Variants in PTS observed in about 807,000 individuals in gnomAD.
The protein encoded by PTS is 6-pyruvoyl tetrahydrobiopterin synthase.
In PTS, 23 loss-of-function variants were observed where a neutral mutation model predicts 20.6. The observed-to-expected ratio is 1.12, with a 90% CI of 0.80 to 1.58. The LOEUF (loss-of-function observed/expected upper bound fraction) is 1.58. PTS is among the 40% of genes most tolerant of loss of function. The pLI, the probability that PTS is intolerant of heterozygous loss-of-function variation, is 0.00. For synonymous variants in PTS, 65 were observed against 62.5 expected (o/e 1.04, Z -0.19); for missense variants, 186 against 182.4 (o/e 1.02, Z -0.11).
intron 1 of PTS, among the ~76,000 whole-genome samples, chr11:112,227,221 C>T (rs1859876583): frequency 6.6e-6 from 1 of 152,092 alleles, no homozygotes; most frequent in Non-Finnish European, 1.5e-5. Context: ...GTATCGTCGT[C>T]TGTGAAATGA....
rs750319324 is a variant in PTS at position 112,230,173 on chromosome 11, T to C, written c.164-35T>C. The C allele has an allele frequency of 6.3e-6, 10 of 1,599,220 alleles. No homozygotes were observed. The Admixed American group carries it at 6.7e-5, about 11-fold the overall frequency. ...TTGGATGTTGATCTGTTGAAAGTCA[T>C]GCTGTTTTTTTTGTATTTTGTTTTC... On this transcript the variant is annotated intron_variant, in intron 2 of 5. Coordinates refer to ENST00000280362, the MANE Select transcript of PTS (RefSeq NM_000317.3).
intron 2 of PTS, among the ~76,000 whole-genome samples, chr11:112,229,819 A>G (rs989390356): frequency 1.1e-4 from 16 of 152,210 alleles, no homozygotes; most frequent in Non-Finnish European, 2.4e-4. Flanking sequence ...TCAGAAAGGT[A>G]CTGCTCAGTA....
chr11:112,228,197 A>G, intron 1 of PTS: 1 of 181,010 alleles, frequency 5.5e-6, no homozygotes, highest in Non-Finnish European at 1.2e-5. Flanking sequence ...GAGAAATGAG[A>G]TAGTAAGCCA....
At chr11:112,230,546 T>C in intron 3 of PTS, 80 bp from the exon 4 acceptor site, 1 of 1,253,768 alleles carries the variant, frequency 8.0e-7, no homozygotes, top group Non-Finnish European at 1.2e-6. Context: ...TCTCTGCACA[T>C]TGTACTGCCT....
rs770387277 is a variant in PTS, at chr11:112,230,209, TGTG to T, written c.169_171del (p.Val57del). On this transcript the variant is annotated inframe_deletion and splice_region_variant, in exon 3 of 6. Transcript: ENST00000280362. ...TTGTATTTTGTTTTCTTTCCATAGT[TGTG>T]GTGACAGTACATGGAGAGGTATGTG... is the stretch of plus-strand genomic sequence containing the variant. The T allele has an allele frequency of 1.2e-5, 19 of 1,613,516 alleles. No homozygotes were observed. The highest frequency in any genetic ancestry group is 3.3e-4 in the Middle Eastern group (2 of 6,080).
At chr11:112,228,765 C>A in intron 2 of PTS, 92 bp downstream of exon 2, 1 of 1,144,670 alleles carries the variant, frequency 8.7e-7, no homozygotes. Context: ...AACTTACGGA[C>A]ACAGTGTGAA....
Position 112,226,466 on chromosome 11 carries a change from G to A in PTS, c.23G>A (p.Arg8His). The change falls in exon 1 of 6, where the codon CGT (arginine) becomes CAT (histidine). Residue 8 changes from arginine (R) to histidine (H), a missense_variant. Coordinates refer to ENST00000280362, the MANE Select transcript of PTS (RefSeq NM_000317.3). MSTEGGG[R>H]RCQAQVSRRI... The stretch of plus-strand genomic sequence containing the variant: ...AAGATGAGCACGGAAGGTGGTGGCC[G>A]TCGCTGCCAGGCACAAGTGTCCCGC... The A allele has an allele frequency of 1.3e-6, 2 of 1,580,900 alleles. No homozygotes were observed. Among genetic ancestry groups the A allele is most frequent in the African/African-American group, 1.3e-5 (1 of 74,840 alleles).
chr11:112,229,483 C>T (rs546570749), intron 2 of PTS: 1 of 152,178 alleles, frequency 6.6e-6, no homozygotes, highest in African/African-American at 2.4e-5. Flanking sequence ...CCTCCACCTC[C>T]CAGGTTCGAG....
Position 112,227,866 on chromosome 11 carries a change from G to A in PTS, c.84-728G>A, listed in dbSNP as rs533551306. Among the ~76,000 whole-genome samples, 6 of 83,486 alleles carry A rather than the reference G, an allele frequency of 7.2e-5. 1 individual carries two copies. The South Asian group carries it at 2.9e-3, about 40-fold the overall frequency. The allele number at this position is 83,486 out of a possible 152,430, so 54.8% of individuals were successfully genotyped here. A position where few individuals can be genotyped will look rare whatever the true frequency, so the allele number is the denominator to read the frequency against. On this transcript the variant is annotated intron_variant, in intron 1 of 5. Transcript: ENST00000280362. Reference sequence around the variant, plus strand: ...GACAAACATCCAAACTACATTGGGGGGAATAATAAAGAGGATCTCAAAAAA... The same window carrying A: ...GACAAACATCCAAACTACATTGGGGAGAATAATAAAGAGGATCTCAAAAAA...
At chr11:112,230,070 A>G (rs2135408880) in intron 2 of PTS, 138 bp from the exon 3 acceptor site, 1 of 875,710 alleles carries the variant, frequency 1.1e-6, no homozygotes, top group Admixed American at 2.0e-5. Context: ...TTTTGGGGTA[A>G]ATATTTAAGT....
At chr11:112,232,302 A>T (rs1428235504) in intron 4 of PTS, among the ~76,000 whole-genome samples, 1 of 152,204 alleles carries the variant, frequency 6.6e-6, no homozygotes, top group Non-Finnish European at 1.5e-5. Context: ...AGAAATTGGG[A>T]CTGGAACTGG....
chr11:112,231,661 G>A (rs952775351), intron 4 of PTS, among the ~76,000 whole-genome samples: 1 of 152,078 alleles, frequency 6.6e-6, no homozygotes, highest in African/African-American at 2.4e-5. Flanking sequence ...TTTGAGCTAA[G>A]TGTACAAAGA....
intron 1 of PTS, among the ~76,000 whole-genome samples, chr11:112,227,250 A>G (rs1427714326): frequency 6.6e-6 from 1 of 152,026 alleles, no homozygotes; most frequent in Non-Finnish European, 1.5e-5. Context: ...ATCGCTATCT[A>G]ACAGGATTCA....
In PTS at chr11:112,233,609, T is replaced by C; in HGVS notation, c.*54T>C. 1 of 1,609,782 alleles carries C rather than the reference T, an allele frequency of 6.2e-7. No homozygotes were observed. The highest frequency in any genetic ancestry group is 8.5e-7 in the Non-Finnish European group (1 of 1,178,338). On this transcript the variant is annotated 3_prime_UTR_variant, in exon 6 of 6. Transcript: ENST00000280362. ...AGTTTCTTTCTGTGTTTGAAAAAGA[T>C]TTTGATCCCCTTGGAATATTAAGAG...
At chr11:112,232,414 T>C (rs1230089949) in intron 4 of PTS, among the ~76,000 whole-genome samples, 1 of 152,244 alleles carries the variant, frequency 6.6e-6, no homozygotes, top group Non-Finnish European at 1.5e-5. Context: ...CTTACTCTTT[T>C]TGTATGATTC....
chr11:112,230,112 G>A (rs1859910600), intron 2 of PTS, 96 bp from the exon 3 acceptor site: 1 of 1,167,902 alleles, frequency 8.6e-7, no homozygotes, highest in South Asian at 1.2e-5. Context: ...AATAATTTAT[G>A]TTGCCAACTT....
At chr11:112,233,078 G>A in intron 4 of PTS, 85 bp from the exon 5 acceptor site, 2 of 1,221,328 alleles carry the variant, frequency 1.6e-6, no homozygotes, top group Non-Finnish European at 2.4e-6. Context: ...AAGTGATAAG[G>A]TGAGGTTTAG....
intron 4 of PTS, among the ~76,000 whole-genome samples, chr11:112,231,341 G>A (rs916642914): frequency 3.3e-5 from 5 of 152,182 alleles, no homozygotes; most frequent in African/African-American, 1.2e-4. Flanking sequence ...AACTGATTGT[G>A]TCATTATAGA....
Position 112,228,303 on chromosome 11 carries a change from A to G in PTS, c.84-291A>G, listed in dbSNP as rs1480995114. 11 of 431,748 alleles carry G rather than the reference A, an allele frequency of 2.5e-5. No homozygotes were observed. In the East Asian group the frequency reaches 4.8e-4, roughly 19 times the overall value. 26.7% of individuals were successfully genotyped at this position (431,748 alleles called of 1,614,324 possible). Reference sequence around the variant, plus strand: ...AGGCACTCAGTAATGTTGAATTGAAAAGTGGAAGGCCCATGAGCAGATCAG... The same window carrying G: ...AGGCACTCAGTAATGTTGAATTGAAGAGTGGAAGGCCCATGAGCAGATCAG... On this transcript the variant is annotated intron_variant, in intron 1 of 5. Transcript: ENST00000280362.
Sources: gnomAD v4.1 joint callset for allele counts (sites outside exome capture counted in the v4.1 genomes callset) on GRCh38, gnomAD v4.1.1 for gene constraint, MANE v1.5 for transcripts, NCBI Gene and HGNC (gene_info 2026-07-23, HGNC 2026-07-21) for gene names.